NCBP2L: variants seen among roughly 807,000 people sequenced by gnomAD.
NCBP2L encodes nuclear cap binding protein subunit 2 like, also known as nuclear cap-binding protein subunit 2-like.
For missense variants in NCBP2L, 95 were observed against 53.1 expected (o/e 1.79, Z -2.45); for synonymous variants, 39 against 19.2 (o/e 2.04, Z -2.70).
At chrX:107,792,013 A>G (rs1297988214) in intron 1 of NCBP2L, among the ~76,000 whole-genome samples, 1 of 112,271 alleles carries the variant, frequency 8.9e-6, no homozygotes, top group African/African-American at 3.2e-5. Context: ...AAGGCAGCCC[A>G]TTGTCTTTGG....
At chrX:107,778,889 C>CA (rs1228532336) in intron 1 of NCBP2L, among the ~76,000 whole-genome samples, 7 of 111,654 alleles carry the variant, frequency 6.3e-5, no homozygotes. Context: ...TGCAGACAGA[C>CA]AAAAACAGTA....
rs781050496 is a variant in NCBP2L at position 107,788,708 on chromosome X, CACTT to C, written c.-72-5440_-72-5437del. On this transcript the variant is annotated intron_variant, in intron 1 of 1. Transcript: ENST00000509000. ...CATACCAGCTTAAAAAAGAGTAACTCACTTCTTCACATCTAGTGAGTACCTACTT... is the reference window on the plus strand; with the variant it reads ...CATACCAGCTTAAAAAAGAGTAACTCCTTCACATCTAGTGAGTACCTACTT... Among the ~76,000 whole-genome samples, 905 of 112,273 alleles carry C rather than the reference CACTT, an allele frequency of 8.1e-3. 8 individuals carry two copies. The highest frequency in any genetic ancestry group is 0.028 in the African/African-American group (864 of 30,909).
intron 1 of NCBP2L, among the ~76,000 whole-genome samples, chrX:107,782,222 AATATATATATATAAAT>A (rs1930310312): frequency 1.8e-4 from 3 of 16,782 alleles, no homozygotes; most frequent in African/African-American, 9.7e-4. Context: ...TATATATATA[AATATATATATATAAAT>A]ATATATATAT....
At chrX:107,782,891 A>G (rs1479907120) in intron 1 of NCBP2L, among the ~76,000 whole-genome samples, 6 of 108,447 alleles carry the variant, frequency 5.5e-5, no homozygotes, top group African/African-American at 2.0e-4. Context: ...ATACACATAT[A>G]TATACACTCA....
chrX:107,786,568 A>G (rs1408610710), intron 1 of NCBP2L, among the ~76,000 whole-genome samples: 1 of 111,558 alleles, frequency 9.0e-6, no homozygotes, highest in Non-Finnish European at 1.9e-5. Context: ...ATCATAACAT[A>G]GTTCTAAGTT....
chrX:107,782,846 T>C (rs1306846737), intron 1 of NCBP2L, among the ~76,000 whole-genome samples: 1 of 107,995 alleles, frequency 9.3e-6, no homozygotes, highest in Non-Finnish European at 1.9e-5. Flanking sequence ...TATATACACA[T>C]AATATACACA....
At chrX:107,780,013 G>A (rs1436782763) in intron 1 of NCBP2L, among the ~76,000 whole-genome samples, 1 of 109,407 alleles carries the variant, frequency 9.1e-6, no homozygotes, top group Non-Finnish European at 1.9e-5. Flanking sequence ...CAAAGTGCTG[G>A]GATTACAGGC....
At chrX:107,792,248 CA>C (rs936269287) in intron 1 of NCBP2L, among the ~76,000 whole-genome samples, 1 of 107,745 alleles carries the variant, frequency 9.3e-6, no homozygotes, top group Non-Finnish European at 1.9e-5. Flanking sequence ...ATCTCATCTA[CA>C]AGGAAATTAT....
intron 1 of NCBP2L, among the ~76,000 whole-genome samples, chrX:107,778,737 G>A (rs1930225521): frequency 8.9e-6 from 1 of 112,476 alleles, no homozygotes; most frequent in Non-Finnish European, 1.9e-5. Flanking sequence ...GAGGGTATAA[G>A]GGGCATCTCT....
At chrX:107,792,315 T>G (rs1210805625) in intron 1 of NCBP2L, among the ~76,000 whole-genome samples, 3 of 105,219 alleles carry the variant, frequency 2.9e-5, no homozygotes, top group Admixed American at 2.0e-4. Context: ...TATCACATTC[T>G]CTGGTAGCTT....
rs1569457132 is a variant in NCBP2L at position 107,781,736 on chromosome X, A to AGATATCTATATATAGATC, written c.-73+3878_-73+3879insGATATCTATATATAGATC. The stretch of plus-strand genomic sequence containing the variant: ...GATCTATAGATATCTATAGATCTAT[A>AGATATCTATATATAGATC]TATAGATATCTATATATAGATCTAT... On this transcript the variant is annotated intron_variant, in intron 1 of 1. Transcript: ENST00000509000. Among the ~76,000 whole-genome samples, 155 of 70,431 alleles carry AGATATCTATATATAGATC rather than the reference A, an allele frequency of 2.2e-3. 1 individual carries two copies. The highest frequency in any genetic ancestry group is 7.5e-3 in the African/African-American group (147 of 19,539). The allele number at this position is 70,431 out of a possible 115,157, so 61.2% of individuals were successfully genotyped here. A position where few individuals can be genotyped will look rare whatever the true frequency, so the allele number is the denominator to read the frequency against.
At position 107,782,240 on chromosome X, in the gene NCBP2L, T is replaced by A. The variant is rs1278285899; in HGVS notation, c.-73+4382T>A. 2.3e-4 allele frequency among the ~76,000 whole-genome samples: 2 copies of A among 8,802 alleles called. 1 individual carries two copies. Among genetic ancestry groups the A allele is most frequent in the African/African-American group, 8.8e-4 (2 of 2,269 alleles). The allele number at this position is 8,802 out of a possible 115,157, so 7.6% of individuals were successfully genotyped here. ...ATATATAAATATATATATATAAATATATATATATAAATATATATATAAATA... is the reference window on the plus strand; with the variant it reads ...ATATATAAATATATATATATAAATAAATATATATAAATATATATATAAATA... On this transcript the variant is annotated intron_variant, in intron 1 of 1. Transcript: ENST00000509000.
intron 1 of NCBP2L, among the ~76,000 whole-genome samples, chrX:107,784,389 A>C (rs769041817): frequency 9.1e-6 from 1 of 110,495 alleles, no homozygotes; most frequent in Non-Finnish European, 1.9e-5. Flanking sequence ...GATAGATGGA[A>C]TCTTCCATCT....
rs762524720 is a variant in NCBP2L at position 107,794,912 on chromosome X, A to G, written c.*230A>G. On this transcript the variant is annotated 3_prime_UTR_variant, in exon 2 of 2. Transcript: ENST00000509000. ...TTTGACTGTTAGGTGGTCCAAAGTG[A>G]AGTGTTCTTCGGGAACAAATTAGGT... 1.8e-4 allele frequency: 49 copies of G among 279,601 alleles called. No homozygotes were observed. Among genetic ancestry groups the G allele is most frequent in the Non-Finnish European group, 2.9e-4 (46 of 158,918 alleles). 23.0% of individuals were successfully genotyped at this position (279,601 alleles called of 1,213,427 possible).
intron 1 of NCBP2L, among the ~76,000 whole-genome samples, chrX:107,785,280 G>C (rs1302867242): frequency 9.0e-6 from 1 of 111,514 alleles, no homozygotes; most frequent in Non-Finnish European, 1.9e-5. Flanking sequence ...CACTTTTGCT[G>C]TTCTGGATAG....
intron 1 of NCBP2L, among the ~76,000 whole-genome samples, chrX:107,785,534 A>G (rs1930386429): frequency 9.0e-6 from 1 of 111,303 alleles, no homozygotes; most frequent in African/African-American, 3.3e-5. Flanking sequence ...CCCCAGATAC[A>G]ATTGGTTTTC....
At chrX:107,791,997 T>C (rs1318387930) in intron 1 of NCBP2L, among the ~76,000 whole-genome samples, 1 of 112,324 alleles carries the variant, frequency 8.9e-6, no homozygotes, top group African/African-American at 3.2e-5. Flanking sequence ...ACTGGGTGCC[T>C]AGCTCAAGGC....
chrX:107,794,616 A>G lies in NCBP2L; in HGVS notation c.396A>G (p.Val132=), dbSNP rs1930495623. 1.8e-6 allele frequency: 1 copy of G among 569,688 alleles called. No individual in the cohort carries two copies. Among genetic ancestry groups the G allele is most frequent in the South Asian group, 2.2e-5 (1 of 44,946 alleles). 46.9% of individuals were successfully genotyped at this position (569,688 alleles called of 1,213,427 possible). The change falls in exon 2 of 2, where the codon GTA becomes GTG. Residue 132 remains valine (V), a synonymous_variant. Transcript: ENST00000509000. ...GTCGCGGTAAATCTGGGGGTCAGGT[A>G]AGGGATGAGTTTCGTGAAGATTTTC... The part of the protein sequence containing the change: ...QYGRGKSGGQ[V]RDEFREDFHS...
Position 107,794,497 on chromosome X carries a change from G to A in NCBP2L, c.277G>A (p.Glu93Lys), listed in dbSNP as rs1165560185. The A allele has an allele frequency of 1.8e-6, 1 of 568,750 alleles. No homozygotes were observed. The highest frequency in any genetic ancestry group is 3.2e-6 in the Non-Finnish European group (1 of 309,335). 46.9% of individuals were successfully genotyped at this position (568,750 alleles called of 1,213,427 possible). The change falls in exon 2 of 2, where the codon GAA becomes AAA. Residue 93 changes from glutamate (E) to lysine (K), a missense_variant. Coordinates refer to ENST00000509000, the MANE Select transcript of NCBP2L (RefSeq NM_001348372.2). ...AGAATGCCATAACAGAGCTGATGCT[G>A]AAAATGCCATGCGGTTTCTAACTGG... ...FVECHNRADA[E>K]NAMRFLTGTC...
Sources: allele counts gnomAD v4.1 joint callset (sites outside exome capture counted in the v4.1 genomes callset), GRCh38; gene constraint gnomAD v4.1.1; transcripts MANE v1.5; gene names NCBI Gene and HGNC (gene_info 2026-07-23, HGNC 2026-07-21).